The following LY75 variants were observed in gnomAD, a reference collection of about 807,000 sequenced individuals.
LY75 encodes the protein C-type lectin domain family 13 member B.
In LY75, 185 loss-of-function variants were observed where a neutral mutation model predicts 231.7. The observed-to-expected ratio is 0.80, with a 90% confidence interval of 0.71 to 0.90. LY75 has a LOEUF of 0.90. LY75 is among the 40% of genes least tolerant of loss of function. The pLI is 0.00. For missense variants in LY75, 1,947 were observed against 2,050.2 expected, an observed-to-expected ratio of 0.95 and a Z score of 0.97; for synonymous variants, 668 against 689.0, an observed-to-expected ratio of 0.97 and a Z score of 0.48.
chr2:159,866,626 A>C (rs1479842226), intron 13 of LY75, among the ~76,000 whole-genome samples: 2 of 152,176 alleles, frequency 1.3e-5, no homozygotes, highest in Non-Finnish European at 2.9e-5. Flanking sequence ...CGAGTGCTGG[A>C]TTTCTAAACC....
chr2:159,825,886 A>C (rs146730850), intron 28 of LY75, among the ~76,000 whole-genome samples: 1 of 152,326 alleles, frequency 6.6e-6, no homozygotes, highest in African/African-American at 2.4e-5. Flanking sequence ...GTTGCAGAAA[A>C]GGCCTTCGAC....
At chr2:159,884,692 C>T (rs556954215) in intron 6 of LY75, among the ~76,000 whole-genome samples, 8 of 152,268 alleles carry the variant, frequency 5.3e-5, no homozygotes, top group East Asian at 1.9e-4. Flanking sequence ...GACTTGAATA[C>T]GCATCAGAAC....
intron 6 of LY75, 103 bp from the exon 7 acceptor site, chr2:159,882,418 TGGG>T: frequency 6.8e-7 from 1 of 1,476,862 alleles, no homozygotes; most frequent in Non-Finnish European, 9.0e-7. Context: ...CCTGGAAAAC[TGGG>T]GACGTGATGT....
At chr2:159,870,031 G>A (rs1172060386) in intron 13 of LY75, among the ~76,000 whole-genome samples, 5 of 152,138 alleles carry the variant, frequency 3.3e-5, no homozygotes, top group Non-Finnish European at 5.9e-5. Context: ...GAATACCTGA[G>A]ATTCTACGAT....
chr2:159,831,001 G>A (rs1362168314), intron 28 of LY75, among the ~76,000 whole-genome samples: 1 of 152,168 alleles, frequency 6.6e-6, no homozygotes, highest in East Asian at 1.9e-4. Context: ...CACATAGTTA[G>A]TGGAAACAAA....
At chr2:159,862,947 C>G (rs1684757631) in intron 14 of LY75, among the ~76,000 whole-genome samples, 1 of 151,862 alleles carries the variant, frequency 6.6e-6, no homozygotes. Context: ...CAACATCTCC[C>G]CAGTCCCCCA....
rs750876269 is a variant in LY75 at position 159,864,841 on chromosome 2, G to A, written c.2197C>T (p.Pro733Ser). The A allele has an allele frequency of 3.1e-6, 5 of 1,591,792 alleles. No homozygotes were observed. In the South Asian group the frequency reaches 5.8e-5, roughly 19 times the overall value. The change falls in exon 14 of 35, where the codon CCA (proline) becomes TCA (serine). Residue 733 changes from proline to serine, a missense_variant and splice_region_variant. Coordinates refer to ENST00000263636, the MANE Select transcript of LY75 (RefSeq NM_002349.4). The part of the protein sequence containing the change: ...QGSWQWSDRT[P>S]VSTIIMPNEF... ...AAAACAATAACGTTTTAACTTACTG[G>A]TGTACGATCACTCCATTGCCAGGAT...
chr2:159,840,773 G>A lies in LY75; in HGVS notation c.3463C>T (p.Leu1155Phe), dbSNP rs775774964. 1 of 1,614,090 alleles carries A rather than the reference G, an allele frequency of 6.2e-7. No homozygotes were observed. The highest frequency in any genetic ancestry group is 8.5e-7 in the Non-Finnish European group (1 of 1,179,972). Residue 1155 changes from leucine to phenylalanine, a missense_variant, in exon 25 of 35, where the codon CTC (leucine) becomes TTC (phenylalanine). Leu to Phe is a conservative substitution (Grantham distance 22). Coordinates refer to ENST00000263636, the MANE Select transcript of LY75 (RefSeq NM_002349.4). The stretch of plus-strand genomic sequence containing the variant: ...ATCCATAAGGAAGAGTTGTGAAGGA[G>A]CGCCTGCACACTGAGGAATGCCTGC... Reference protein sequence around the residue: ...YQQAFLSVQALLHNSSLWIGL... With the variant: ...YQQAFLSVQAFLHNSSLWIGL...
At chr2:159,871,439 G>A (rs891576301) in intron 13 of LY75, among the ~76,000 whole-genome samples, 25 of 151,860 alleles carry the variant, frequency 1.6e-4, no homozygotes, top group South Asian at 1.0e-3. Context: ...TGAAAATGTT[G>A]CTAGTTGCTT....
chr2:159,887,211 T>TCTCACACACACACA (rs1553812719), intron 4 of LY75, among the ~76,000 whole-genome samples: 1 of 129,970 alleles, frequency 7.7e-6, no homozygotes, highest in African/African-American at 2.8e-5. Flanking sequence ...AGAGTGAGAG[T>TCTCACACACACACA]CACACACACA....
intron 13 of LY75, among the ~76,000 whole-genome samples, chr2:159,865,634 T>A (rs1415353243): frequency 6.6e-6 from 1 of 152,084 alleles, no homozygotes; most frequent in Non-Finnish European, 1.5e-5. Flanking sequence ...TTATATACAT[T>A]TTAGGTGACA....
rs1048387250 is a variant in LY75, at chr2:159,875,428, G to A, written c.1974+16C>T. On this transcript the variant is annotated intron_variant, in intron 12 of 34. Coordinates refer to ENST00000263636, the MANE Select transcript of LY75 (RefSeq NM_002349.4). ...AAATAACTTCATTGAAGGATAGAAT[G>A]AGAATGTCACTTTACCTTATAACAA... The A allele has an allele frequency of 6.2e-7, 1 of 1,608,376 alleles. No homozygotes were observed. Among genetic ancestry groups the A allele is most frequent in the Non-Finnish European group, 8.5e-7 (1 of 1,177,774 alleles).
Position 159,872,463 on chromosome 2 carries a change from G to T in LY75, c.2105C>A (p.Thr702Lys). 6.2e-7 allele frequency: 1 copy of T among 1,613,614 alleles called. No individual in the cohort carries two copies. The highest frequency in any genetic ancestry group is 1.3e-5 in the African/African-American group (1 of 75,002). ...CTTAAAGTATTACCTGAACTGGTCC[G>T]TTAAAAAGTGAAGAAATTCCTTTAT... ...DEIKEFLHFL[T>K]DQFSGQHWLW... The change falls in exon 13 of 35, where the codon ACG (threonine) becomes AAG (lysine). Residue 702 changes from threonine to lysine, a missense_variant. Physicochemically the swap from Thr to Lys is moderately conservative, Grantham distance 78 (BLOSUM62 -1). Coordinates refer to ENST00000263636, the MANE Select transcript of LY75 (RefSeq NM_002349.4).
intron 16 of LY75, 74 bp downstream of exon 16, chr2:159,858,288 C>T: frequency 6.5e-7 from 1 of 1,540,306 alleles, no homozygotes; most frequent in Non-Finnish European, 8.8e-7. Context: ...TCAAAATGCT[C>T]CCCTAGCTAC....
chr2:159,889,255 G>A (rs1685680732), intron 4 of LY75, among the ~76,000 whole-genome samples: 1 of 151,956 alleles, frequency 6.6e-6, no homozygotes, highest in Non-Finnish European at 1.5e-5. Flanking sequence ...TTAAGACAAG[G>A]TCTTCCTCTA....
Position 159,840,869 on chromosome 2 carries a change from T to G in LY75, c.3367A>C (p.Thr1123Pro). 6.2e-7 allele frequency: 1 copy of G among 1,614,086 alleles called. No individual in the cohort carries two copies. Among genetic ancestry groups the G allele is most frequent in the Non-Finnish European group, 8.5e-7 (1 of 1,179,970 alleles). ...CACTCCCTTTTAGCACTGTGCCAAG[T>G]CAGAGTCTTTGGGATTATTTTGTAC... ...NLYKIIPKTL[T>P]WHSAKRECLK... The change falls in exon 25 of 35, where the codon ACT (threonine) becomes CCT (proline). Residue 1123 changes from threonine (T) to proline (P), a missense_variant. By Grantham distance (38) the Thr-to-Pro change is conservative (BLOSUM62 -1). Transcript: ENST00000263636.
chr2:159,898,599 C>T (rs761186647), intron 2 of LY75, 89 bp downstream of exon 2: 19 of 1,530,864 alleles, frequency 1.2e-5, no homozygotes, highest in Admixed American at 6.0e-5. Context: ...TACTAATGTA[C>T]GACTCTATTT....
chr2:159,874,238 T>TATATAGTAAATATATATAA (rs1194033116), intron 12 of LY75, among the ~76,000 whole-genome samples: 11 of 90,942 alleles, frequency 1.2e-4, no homozygotes, highest in Non-Finnish European at 1.9e-4. Context: ...ATTGTAAATA[T>TATATAGTAAATATATATAA]ATATATTGTA....
At chr2:159,805,851 C>A (rs1682778029) in intron 34 of LY75, among the ~76,000 whole-genome samples, 1 of 152,218 alleles carries the variant, frequency 6.6e-6, no homozygotes, top group African/African-American at 2.4e-5. Context: ...ACCCAACCCC[C>A]CAAATCTTCC....
Sources: gnomAD v4.1 joint callset for allele counts (sites outside exome capture counted in the v4.1 genomes callset) on GRCh38, gnomAD v4.1.1 for gene constraint, MANE v1.5 for transcripts, NCBI Gene and HGNC (gene_info 2026-07-23, HGNC 2026-07-21) for gene names.